The following LRP1B variants were observed in gnomAD, a reference collection of about 807,000 sequenced individuals.
The protein encoded by LRP1B is low-density lipoprotein receptor-related protein 1B.
Under a neutral mutation model 556.6 loss-of-function variants are expected in LRP1B, and 217 were observed. The ratio of observed to expected loss-of-function variants is 0.39; its 90% CI spans 0.35 to 0.44. The LOEUF (loss-of-function observed/expected upper bound fraction) is 0.44. Ranked by LOEUF, LRP1B falls within the 20% of genes least tolerant of loss-of-function variation. The pLI is 1.00. For missense variants in LRP1B, 5,053 were observed against 5,620.8 expected (o/e 0.90, Z 3.23); for synonymous variants, 2,047 against 1,865.8 (o/e 1.10, Z -2.50).
intron 53 of LRP1B, among the ~76,000 whole-genome samples, chr2:140,506,402 C>G (rs995781199): frequency 6.6e-6 from 1 of 151,774 alleles, no homozygotes; most frequent in African/African-American, 2.4e-5. Context: ...GGCCACCATG[C>G]CTGACGAATT....
chr2:141,697,616 A>G lies in LRP1B; in HGVS notation c.205+112663T>C, dbSNP rs1321768187. Among the ~76,000 whole-genome samples the G allele has an allele frequency of 2.6e-5, 4 of 152,016 alleles. No individual in the cohort carries two copies. In the East Asian group the frequency reaches 7.7e-4, roughly 29 times the overall value. Reference sequence around the variant, plus strand: ...ATGGTAGCGAAATGGGTAATGTCATATGGAACTTGTATACCAGGATAGATC... The same window carrying G: ...ATGGTAGCGAAATGGGTAATGTCATGTGGAACTTGTATACCAGGATAGATC... On this transcript the variant is annotated intron_variant, in intron 2 of 90. Coordinates refer to ENST00000389484, the MANE Select transcript of LRP1B (RefSeq NM_018557.3).
intron 25 of LRP1B, among the ~76,000 whole-genome samples, chr2:140,876,905 G>A (rs750346453): frequency 1.3e-5 from 2 of 152,158 alleles, no homozygotes; most frequent in African/African-American, 2.4e-5. Context: ...TGGGAAACTG[G>A]AGAAAGAATA....
chr2:140,534,188 T>C (rs760325383), intron 46 of LRP1B, 48 bp from the exon 47 acceptor site: 1 of 1,534,424 alleles, frequency 6.5e-7, no homozygotes, highest in Admixed American at 1.8e-5. Flanking sequence ...TATAGAAATA[T>C]TTGTACAAAA....
chr2:141,761,394 T>C (rs1018240077), intron 2 of LRP1B, among the ~76,000 whole-genome samples: 4 of 113,284 alleles, frequency 3.5e-5, no homozygotes, highest in Admixed American at 1.1e-4. Context: ...TAGTTTATTA[T>C]GTAGAAGTAC....
chr2:140,353,931 G>T (rs1199037477), intron 75 of LRP1B, among the ~76,000 whole-genome samples: 1 of 151,962 alleles, frequency 6.6e-6, no homozygotes, highest in Non-Finnish European at 1.5e-5. Flanking sequence ...AGCAAAATCT[G>T]CATGCCTATA....
intron 1 of LRP1B, among the ~76,000 whole-genome samples, chr2:141,942,001 T>G (rs1318730970): frequency 6.6e-6 from 1 of 152,232 alleles, no homozygotes; most frequent in Non-Finnish European, 1.5e-5. Context: ...AACATTGTAT[T>G]TAATCTCTTC....
intron 84 of LRP1B, among the ~76,000 whole-genome samples, chr2:140,286,359 T>TAAA (rs1683152532): frequency 1.3e-5 from 2 of 151,790 alleles, no homozygotes; most frequent in African/African-American, 4.8e-5. Context: ...AGAGGGAGAC[T>TAAA]GGAAAGGAAA....
intron 66 of LRP1B, among the ~76,000 whole-genome samples, chr2:140,419,706 A>T (rs763965033): frequency 1.4e-4 from 21 of 152,334 alleles, no homozygotes; most frequent in Middle Eastern, 3.4e-3. Context: ...GGTTCAAAGG[A>T]TAAACAAAAA....
chr2:141,961,390 A>C (rs1701400847), intron 1 of LRP1B, among the ~76,000 whole-genome samples: 1 of 151,714 alleles, frequency 6.6e-6, no homozygotes, highest in African/African-American at 2.4e-5. Flanking sequence ...ATTGGTTTAA[A>C]ATTCTGAATA....
intron 2 of LRP1B, among the ~76,000 whole-genome samples, chr2:141,597,583 G>C (rs948667732): frequency 6.6e-6 from 1 of 152,034 alleles, no homozygotes; most frequent in African/African-American, 2.4e-5. Context: ...TGCCCAGACT[G>C]CATGTTCTTA....
intron 1 of LRP1B, among the ~76,000 whole-genome samples, chr2:141,933,116 C>G (rs893022947): frequency 6.6e-6 from 1 of 151,668 alleles, no homozygotes. Context: ...TTTTTAAAAT[C>G]TAAATAATCT....
intron 11 of LRP1B, among the ~76,000 whole-genome samples, chr2:141,046,824 G>A (rs1698884220): frequency 6.6e-6 from 1 of 152,120 alleles, no homozygotes; most frequent in South Asian, 2.1e-4. Flanking sequence ...GCTCATGCCT[G>A]TAATCCCAGC....
chr2:140,547,940 T>C (rs1680405872), intron 43 of LRP1B, among the ~76,000 whole-genome samples: 1 of 151,378 alleles, frequency 6.6e-6, no homozygotes, highest in Admixed American at 6.6e-5. Context: ...CTCACTGGGT[T>C]ACTTTTCCCT....
chr2:141,275,061 C>T (rs1685233249), intron 3 of LRP1B, among the ~76,000 whole-genome samples: 1 of 152,144 alleles, frequency 6.6e-6, no homozygotes, highest in Non-Finnish European at 1.5e-5. Context: ...GAAGAGCCTA[C>T]ACATGAGAAA....
At chr2:140,834,724 G>C (rs745373416) in intron 31 of LRP1B, among the ~76,000 whole-genome samples, 1 of 152,052 alleles carries the variant, frequency 6.6e-6, no homozygotes, top group Non-Finnish European at 1.5e-5. Flanking sequence ...AAACTCATGA[G>C]TTCACCATCC....
chr2:141,186,427 TTAGA>T (rs1390429879), intron 7 of LRP1B, among the ~76,000 whole-genome samples: 3 of 152,030 alleles, frequency 2.0e-5, no homozygotes, highest in Non-Finnish European at 2.9e-5. Flanking sequence ...TGTTCCGTTC[TTAGA>T]TAGAATCACA....
At chr2:141,636,278 T>C (rs1410729391) in intron 2 of LRP1B, among the ~76,000 whole-genome samples, 1 of 152,152 alleles carries the variant, frequency 6.6e-6, no homozygotes, top group Non-Finnish European at 1.5e-5. Context: ...ATTGTTTTAT[T>C]AAACTGATAA....
chr2:141,284,775 G>C (rs1685642553), intron 3 of LRP1B, among the ~76,000 whole-genome samples: 1 of 152,136 alleles, frequency 6.6e-6, no homozygotes. Flanking sequence ...CAAAATGATT[G>C]ATTAAGTGTT....
chr2:140,912,720 C>T (rs770766759), intron 21 of LRP1B, among the ~76,000 whole-genome samples: 1 of 151,408 alleles, frequency 6.6e-6, no homozygotes, highest in South Asian at 2.1e-4. Context: ...AGATAAGTAA[C>T]AACAATAACA....
Sources: allele counts gnomAD v4.1 joint callset (sites outside exome capture counted in the v4.1 genomes callset), GRCh38; gene constraint gnomAD v4.1.1; transcripts MANE v1.5; gene names NCBI Gene and HGNC (gene_info 2026-07-23, HGNC 2026-07-21).